The following SMAD9 variants were observed in gnomAD, a reference collection of about 807,000 sequenced individuals.
The protein encoded by SMAD9 is MAD homolog 9.
A neutral mutation model predicts 46.1 loss-of-function variants in SMAD9; 36 were observed. The ratio of observed to expected loss-of-function variants is 0.78; its 90% CI spans 0.60 to 1.03. The LOEUF (loss-of-function observed/expected upper bound fraction) is 1.03, where lower values mean the gene tolerates loss of function less well. Among genes scored for constraint, SMAD9 ranks in the 50% least tolerant of loss-of-function variants. The pLI, the probability that SMAD9 is intolerant of heterozygous loss-of-function variation, is 0.00. For synonymous variants in SMAD9, 245 were observed against 237.1 expected, an observed-to-expected ratio of 1.03 and a Z score of -0.31; for missense variants, 572 against 599.8, an observed-to-expected ratio of 0.95 and a Z score of 0.48.
At chr13:36,916,904 A>G (rs1435625219) in intron 1 of SMAD9, among the ~76,000 whole-genome samples, 1 of 151,532 alleles carries the variant, frequency 6.6e-6, no homozygotes, top group African/African-American at 2.4e-5. Flanking sequence ...AGCGTGGGGT[A>G]AAGGTGCACA....
intron 1 of SMAD9, among the ~76,000 whole-genome samples, chr13:36,896,109 GTATTTATTTATT>G (rs57024507): frequency 0.21 from 31,212 of 148,500 alleles, 3,372 homozygotes; most frequent in Non-Finnish European, 0.24. Context: ...ATCCTGTTGA[GTATTTATTTATT>G]TATTTATTTA....
At chr13:36,889,976 TATGAA>T (rs146614348) in intron 1 of SMAD9, among the ~76,000 whole-genome samples, 13,207 of 152,144 alleles carry the variant, frequency 0.087, 581 homozygotes, top group East Asian at 0.14. Flanking sequence ...TTATTTGTCT[TATGAA>T]ATAAGTCATA....
chr13:36,901,215 A>C (rs183913125), intron 1 of SMAD9, among the ~76,000 whole-genome samples: 1 of 152,084 alleles, frequency 6.6e-6, no homozygotes, highest in South Asian at 2.1e-4. Context: ...TGGGTCATAC[A>C]GTAATTTTAC....
Position 36,848,741 on chromosome 13 carries a change from G to A in SMAD9, c.1339C>T (p.Gln447Ter). ...WIEIHLHGPL[Q>*]WLDKVLTQMG... ...TGAGTCAGAACTTTGTCCAGCCACT[G>A]CAGTGGCCCATGAAGATGAATCTCA... The change falls in exon 7 of 7, where the codon CAG (glutamine) becomes TAG (stop). Residue 447 changes from glutamine to a stop codon, truncating the protein, a stop_gained. Coordinates refer to ENST00000379826, the MANE Select transcript of SMAD9 (RefSeq NM_001127217.3). LOFTEE classifies it high-confidence loss of function. 6.2e-7 allele frequency: 1 copy of A among 1,613,958 alleles called. No homozygotes were observed. The highest frequency in any genetic ancestry group is 8.5e-7 in the Non-Finnish European group (1 of 1,179,802).
Position 36,909,964 on chromosome 13 carries a change from G to A in SMAD9, c.-187+10152C>T, listed in dbSNP as rs182967905. Among the ~76,000 whole-genome samples the A allele has an allele frequency of 1.6e-4, 25 of 152,276 alleles. 1 individual carries two copies. Among genetic ancestry groups the A allele is most frequent in the African/African-American group, 1.7e-4 (7 of 41,570 alleles). On this transcript the variant is annotated intron_variant, in intron 1 of 6. Coordinates refer to ENST00000379826, the MANE Select transcript of SMAD9 (RefSeq NM_001127217.3). Reference sequence around the variant, plus strand: ...TGTAATCCCAGCATTTTGGGAGGCCGAGGCGGGTGGATCACGAGGTCAGGA... The same window carrying A: ...TGTAATCCCAGCATTTTGGGAGGCCAAGGCGGGTGGATCACGAGGTCAGGA...
At chr13:36,886,268 C>A (rs2058443780) in intron 1 of SMAD9, among the ~76,000 whole-genome samples, 1 of 152,234 alleles carries the variant, frequency 6.6e-6, no homozygotes, top group Non-Finnish European at 1.5e-5. Context: ...TCCCAAAGGA[C>A]ATGGGAGGAA....
chr13:36,869,731 A>G (rs192470858), intron 3 of SMAD9, among the ~76,000 whole-genome samples: 83 of 152,190 alleles, frequency 5.5e-4, no homozygotes, highest in African/African-American at 2.0e-3. Flanking sequence ...TGGAAGGCTG[A>G]GGCAGGAGAA....
chr13:36,867,154 A>T (rs1472276996), intron 4 of SMAD9, 119 bp downstream of exon 4: 1 of 704,580 alleles, frequency 1.4e-6, no homozygotes, highest in East Asian at 2.7e-5. Flanking sequence ...GCCTCTTAAA[A>T]CACATGCAAA....
chr13:36,900,984 T>C (rs1043935621), intron 1 of SMAD9, among the ~76,000 whole-genome samples: 5 of 152,204 alleles, frequency 3.3e-5, no homozygotes, highest in Non-Finnish European at 7.3e-5. Flanking sequence ...TCTGTCTTTA[T>C]AGATTTACCT....
chr13:36,856,833 C>T lies in SMAD9; in HGVS notation c.1004-3158G>A, dbSNP rs537016514. ...TTTTTTTTTTTGAGATGGAGTTACC[C>T]TCTTGTCACCCAGGCTGGAGATGGG... On this transcript the variant is annotated intron_variant, in intron 5 of 6. Coordinates refer to ENST00000379826, the MANE Select transcript of SMAD9 (RefSeq NM_001127217.3). Among the ~76,000 whole-genome samples the T allele has an allele frequency of 2.1e-5, 3 of 145,110 alleles. No homozygotes were observed. The South Asian group carries it at 6.4e-4, about 31-fold the overall frequency.
intron 3 of SMAD9, 34 bp from the exon 4 acceptor site, chr13:36,867,417 A>C: frequency 7.2e-7 from 1 of 1,393,832 alleles, no homozygotes; most frequent in Non-Finnish European, 9.9e-7. Context: ...GGAATTGTCA[A>C]ATCGATAAAC....
rs1181006757 is a variant in SMAD9, at chr13:36,855,491, C to T, written c.1004-1816G>A. ...TTGATGGGGAAAAAAAAGTCTCCAG[C>T]ACTAGAAGTCAATGTGATTATACAT... On this transcript the variant is annotated intron_variant, in intron 5 of 6. Transcript: ENST00000379826. 2.0e-5 allele frequency among the ~76,000 whole-genome samples: 3 copies of T among 152,234 alleles called. No individual in the cohort carries two copies. The East Asian group carries it at 5.8e-4, about 29-fold the overall frequency.
intron 1 of SMAD9, among the ~76,000 whole-genome samples, chr13:36,895,325 C>T (rs200450699): frequency 9.9e-5 from 15 of 152,144 alleles, no homozygotes; most frequent in Non-Finnish European, 1.9e-4. Flanking sequence ...ATCTCTGTAT[C>T]GATCTAAAGA....
In SMAD9 at chr13:36,844,895, A is replaced by C; in HGVS notation, c.*3781T>G. On this transcript the variant is annotated 3_prime_UTR_variant, in exon 7 of 7. Transcript: ENST00000379826. ...AGTATAAGTGTGCATTTGATGGATA[A>C]CCGAAGCCAAGTTATTATAATAGAA... is the stretch of plus-strand genomic sequence containing the variant. 1 of 139,256 alleles carries C rather than the reference A, an allele frequency of 7.2e-6. No individual in the cohort carries two copies. The highest frequency in any genetic ancestry group is 2.3e-4 in the South Asian group (1 of 4,396). 8.6% of individuals were successfully genotyped at this position (139,256 alleles called of 1,614,324 possible).
chr13:36,876,150 A>G (rs1445532518), intron 2 of SMAD9, among the ~76,000 whole-genome samples: 1 of 151,786 alleles, frequency 6.6e-6, no homozygotes. Context: ...ACTTTTAAAC[A>G]CCATGCTATC....
intron 1 of SMAD9, among the ~76,000 whole-genome samples, chr13:36,911,932 T>G (rs2058665251): frequency 6.6e-6 from 1 of 152,148 alleles, no homozygotes; most frequent in Admixed American, 6.5e-5. Context: ...GGTCTTGAAC[T>G]CCCAACCTCA....
chr13:36,875,861 G>A (rs1280583727), intron 2 of SMAD9, among the ~76,000 whole-genome samples: 8 of 152,216 alleles, frequency 5.3e-5, no homozygotes, highest in South Asian at 2.1e-4. Flanking sequence ...AGAAAAGAAA[G>A]GATACATTTC....
chr13:36,881,005 A>G (rs1337743134), intron 1 of SMAD9, among the ~76,000 whole-genome samples: 2 of 152,230 alleles, frequency 1.3e-5, no homozygotes, highest in African/African-American at 2.4e-5. Flanking sequence ...ACCCAAATGC[A>G]TGAGAACTGC....
intron 1 of SMAD9, among the ~76,000 whole-genome samples, chr13:36,883,345 A>C (rs1476791728): frequency 1.3e-5 from 2 of 152,254 alleles, no homozygotes; most frequent in Non-Finnish European, 2.9e-5. Flanking sequence ...AGTGCAAAGA[A>C]GAATGAAACA....
Sources: allele counts gnomAD v4.1 joint callset (sites outside exome capture counted in the v4.1 genomes callset), GRCh38; gene constraint gnomAD v4.1.1; transcripts MANE v1.5; gene names NCBI Gene and HGNC (gene_info 2026-07-23, HGNC 2026-07-21).